The following NLRP3 variants were observed in gnomAD, a reference collection of about 807,000 sequenced individuals.
NLRP3 encodes NACHT, LRR and PYD domains-containing protein 3.
In NLRP3, 48 loss-of-function variants were observed where a neutral mutation model predicts 91.3. That is an observed-to-expected ratio of 0.53 (90% CI 0.42 to 0.67). The LOEUF (loss-of-function observed/expected upper bound fraction) is 0.67, where lower values mean the gene tolerates loss of function less well. NLRP3 is among the 30% of genes least tolerant of loss of function. The pLI is 0.00. For missense variants in NLRP3, 982 were observed against 1,276.9 expected (o/e 0.77, Z 3.52); for synonymous variants, 561 against 507.9 (o/e 1.10, Z -1.41).
rs778161896 is a variant in NLRP3 at position 247,424,402 on chromosome 1, C to T, written c.953C>T (p.Thr318Ile). 4 of 1,614,190 alleles carry T rather than the reference C, an allele frequency of 2.5e-6. No homozygotes were observed. In the South Asian group the frequency reaches 3.3e-5, roughly 13 times the overall value. ...AFDEHIGPLC[T>I]DWQKAERGDI... ...GACGAGCACATAGGACCGCTCTGCA[C>T]TGACTGGCAGAAGGCCGAGCGGGGA... Residue 318 changes from threonine (T) to isoleucine (I), a missense_variant, in exon 4 of 10, where the codon ACT becomes ATT. By Grantham distance (89) the Thr-to-Ile change is moderately conservative. Transcript: ENST00000336119. This position sits in a 1 kb window ranked among gnomAD's most constrained non-coding sequence, Gnocchi z 8.1.
At chr1:247,440,590 GT>G (rs1664139726) in intron 7 of NLRP3, among the ~76,000 whole-genome samples, 1 of 152,160 alleles carries the variant, frequency 6.6e-6, no homozygotes, top group Admixed American at 6.5e-5. Context: ...TATTGGATGA[GT>G]TTTGTTTTGC....
Position 247,435,930 on chromosome 1 carries a change from G to A in NLRP3, c.2493-40G>A, listed in dbSNP as rs10754557. The A allele has an allele frequency of 0.61, 972,566 of 1,604,220 alleles. 301,622 individuals carry two copies. The highest frequency in any genetic ancestry group is 0.7 in the East Asian group (31,517 of 44,774). On this transcript the variant is annotated intron_variant, in intron 6 of 9. Transcript: ENST00000336119. ...GCTTCCTTGTCCATGGTGGAGCGTGGGTGAGAGACATGACTGACATTCTGC... is the reference window on the plus strand; with the variant it reads ...GCTTCCTTGTCCATGGTGGAGCGTGAGTGAGAGACATGACTGACATTCTGC...
In NLRP3 at chr1:247,424,402, C is replaced by A. The variant is rs778161896; in HGVS notation, c.953C>A (p.Thr318Asn). ...AFDEHIGPLC[T>N]DWQKAERGDI... ...GACGAGCACATAGGACCGCTCTGCA[C>A]TGACTGGCAGAAGGCCGAGCGGGGA... The change falls in exon 4 of 10, where the codon ACT becomes AAT. Residue 318 changes from threonine to asparagine, a missense_variant. Thr to Asn is a moderately conservative substitution (Grantham distance 65, BLOSUM62 0). Around this residue, in one of 5 missense-constraint regions of NLRP3, gnomAD observed 548 missense variants for 713.7 expected, o/e 0.77. Coordinates refer to ENST00000336119, the MANE Select transcript of NLRP3 (RefSeq NM_001243133.2). This position sits in a 1 kb window ranked among gnomAD's most constrained non-coding sequence, Gnocchi z 8.1. 5 of 1,614,072 alleles carry A rather than the reference C, an allele frequency of 3.1e-6. No homozygotes were observed. The African/African-American group carries it at 6.7e-5, about 22-fold the overall frequency.
At chr1:247,431,115 C>T (rs901079384) in intron 5 of NLRP3, among the ~76,000 whole-genome samples, 15 of 151,914 alleles carry the variant, frequency 9.9e-5, no homozygotes, top group Admixed American at 7.2e-4. Flanking sequence ...ACCCGGGAGG[C>T]GGAGATGGCA....
intron 2 of NLRP3, 52 bp downstream of exon 2, chr1:247,419,129 T>G: frequency 6.7e-7 from 1 of 1,490,554 alleles, no homozygotes; most frequent in South Asian, 1.2e-5. Context: ...GCACATAGTG[T>G]ACAATTTTCC....
chr1:247,430,922 C>T lies in NLRP3; in HGVS notation c.2321+1167C>T, dbSNP rs1322252495. Among the ~76,000 whole-genome samples, 5 of 152,172 alleles carry T rather than the reference C, an allele frequency of 3.3e-5. No individual in the cohort carries two copies. The East Asian group carries it at 7.8e-4, about 24-fold the overall frequency. On this transcript the variant is annotated intron_variant, in intron 5 of 9. Transcript: ENST00000336119. ...AGCTGGGACTACAGGCATGCACCAC[C>T]ATGCTGGCTAATTTTTGTATTTTTT...
At chr1:247,426,237 T>C (rs546554691) in intron 4 of NLRP3, among the ~76,000 whole-genome samples, 1 of 152,108 alleles carries the variant, frequency 6.6e-6, no homozygotes, top group Non-Finnish European at 1.5e-5. Context: ...AGAGCAGAAA[T>C]GTGGAGACCC....
chr1:247,437,998 G>C (rs1328791387), intron 7 of NLRP3, among the ~76,000 whole-genome samples: 1 of 152,218 alleles, frequency 6.6e-6, no homozygotes, highest in East Asian at 1.9e-4. Context: ...AATTACAAAT[G>C]TGCCTGATGC....
chr1:247,423,364 TGGTGCTTCTAGTTG>T lies in NLRP3; in HGVS notation c.397+16_397+29del. ...AATGAAGAAAGGTAAGCGACTGGGG[TGGTGCTTCTAGTTG>T]AGTTTTAAGACCTGGTTCAGGAGGC... On this transcript the variant is annotated intron_variant, in intron 3 of 9. Transcript: ENST00000336119. 1 of 1,613,542 alleles carries T rather than the reference TGGTGCTTCTAGTTG, an allele frequency of 6.2e-7. No homozygotes were observed. The highest frequency in any genetic ancestry group is 8.5e-7 in the Non-Finnish European group (1 of 1,179,814).
Position 247,423,887 on chromosome 1 carries a change from C to T in NLRP3, c.438C>T (p.Phe146=), listed in dbSNP as rs763278709. The T allele has an allele frequency of 1.2e-6, 2 of 1,614,040 alleles. No homozygotes were observed. Among genetic ancestry groups the T allele is most frequent in the Non-Finnish European group, 1.7e-6 (2 of 1,180,008 alleles). The stretch of plus-strand genomic sequence containing the variant: ...ACAGAAAGTACGTGAGAAGCAGATT[C>T]CAGTGCATTGAAGACAGGAATGCCC... ...KKYRKYVRSR[F]QCIEDRNARL... The change falls in exon 4 of 10, where the codon TTC becomes TTT. Residue 146 remains phenylalanine (F), a synonymous_variant. Coordinates refer to ENST00000336119, the MANE Select transcript of NLRP3 (RefSeq NM_001243133.2).
At chr1:247,432,841 G>A (rs1374830255) in intron 5 of NLRP3, among the ~76,000 whole-genome samples, 5 of 151,980 alleles carry the variant, frequency 3.3e-5, no homozygotes, top group African/African-American at 7.2e-5. Flanking sequence ...GGTGGTGACG[G>A]TGGTAGTGAT....
In NLRP3 at chr1:247,434,087, T is replaced by G. The variant is rs748442045; in HGVS notation, c.2322-16T>G. On this transcript the variant is annotated splice_polypyrimidine_tract_variant and intron_variant, in intron 5 of 9. Transcript: ENST00000336119. ...GGTGTGTTCTGATGCTTTCTGCCTC[T>G]GTTCTTGGCATGAAGGTTGGGGCGC... 2 of 1,274,686 alleles carry G rather than the reference T, an allele frequency of 1.6e-6. No individual in the cohort carries two copies. The highest frequency in any genetic ancestry group is 4.5e-5 in the African/African-American group (2 of 44,136). The allele number at this position is 1,274,686 out of a possible 1,614,324, so 79.0% of individuals were successfully genotyped here. A position where few individuals can be genotyped will look rare whatever the true frequency, so the allele number is the denominator to read the frequency against.
In NLRP3 at chr1:247,435,125, G is replaced by T. The variant is rs533821836; in HGVS notation, c.2493-845G>T. Among the ~76,000 whole-genome samples, 4 of 152,190 alleles carry T rather than the reference G, an allele frequency of 2.6e-5. No individual in the cohort carries two copies. The East Asian group carries it at 5.8e-4, about 22-fold the overall frequency. ...AAATTAGCCAGGCATGGTGGTGCAT[G>T]CCTGTAATCCCAGTTACTCGGGGTG... On this transcript the variant is annotated intron_variant, in intron 6 of 9. Coordinates refer to ENST00000336119, the MANE Select transcript of NLRP3 (RefSeq NM_001243133.2).
At chr1:247,442,700 G>T (rs548986300) in intron 7 of NLRP3, among the ~76,000 whole-genome samples, 16 of 152,134 alleles carry the variant, frequency 1.1e-4, no homozygotes, top group Non-Finnish European at 2.4e-4. Context: ...ATAAGCCTTA[G>T]ATTTCTAATA....
At chr1:247,419,274 C>T (rs190008759) in intron 2 of NLRP3, among the ~76,000 whole-genome samples, 197 bp downstream of exon 2, 3 of 152,076 alleles carry the variant, frequency 2.0e-5, no homozygotes, top group East Asian at 3.9e-4. Flanking sequence ...CCTGCCTCAG[C>T]CTCCCAAGTA....
In NLRP3 at chr1:247,436,015, A is replaced by G. The variant is rs1663766253; in HGVS notation, c.2538A>G (p.Ala846=). ...CATCAGCATGTTGTCAGGATCTTGC[A>G]TCAGTATTGAGCACCAGCCATTCCC... The part of the protein sequence containing the change: ...CLTSACCQDL[A]SVLSTSHSLT... Residue 846 remains alanine, a synonymous_variant, in exon 7 of 10, where the codon GCA becomes GCG. Coordinates refer to ENST00000336119, the MANE Select transcript of NLRP3 (RefSeq NM_001243133.2). The G allele has an allele frequency of 1.2e-6, 2 of 1,614,160 alleles. No homozygotes were observed. Among genetic ancestry groups the G allele is most frequent in the African/African-American group, 2.7e-5 (2 of 75,052 alleles).
chr1:247,444,917 C>A (rs1664494290), intron 9 of NLRP3, 96 bp downstream of exon 9: 4 of 1,335,214 alleles, frequency 3.0e-6, no homozygotes, highest in South Asian at 1.2e-5. Context: ...GCTTCATTTG[C>A]AGCCACTCAA....
At chr1:247,429,458 C>A in intron 4 of NLRP3, 127 bp from the exon 5 acceptor site, 1 of 1,081,226 alleles carries the variant, frequency 9.2e-7, no homozygotes, top group Non-Finnish European at 1.4e-6. Flanking sequence ...TTTTTGGTTT[C>A]GTGACCCATT....
In NLRP3 at chr1:247,429,768, GC is replaced by G; in HGVS notation, c.2321+14del. On this transcript the variant is annotated intron_variant, in intron 5 of 9. Transcript: ENST00000336119. ...TTCGGAGATTGTGGTGAGTCCCCGT[GC>G]ATGTGATCTGTGTGAGTGCAAGTTC... The G allele has an allele frequency of 6.2e-7, 1 of 1,613,132 alleles. No homozygotes were observed. Among genetic ancestry groups the G allele is most frequent in the Non-Finnish European group, 8.5e-7 (1 of 1,179,920 alleles).
Sources: gnomAD v4.1 joint callset for allele counts (sites outside exome capture counted in the v4.1 genomes callset) on GRCh38, gnomAD v4.1.1 for gene constraint, gnomAD v4.1.1 regional missense constraint, Gnocchi (gnomAD v3.1) non-coding constraint, MANE v1.5 for transcripts, NCBI Gene and HGNC (gene_info 2026-07-23, HGNC 2026-07-21) for gene names.